Variants in ANK2 observed in about 807,000 individuals in gnomAD.
ANK2 encodes ankyrin 2.
ANK2 carries 83 observed loss-of-function variants against 360.5 expected under a neutral mutation model. The ratio of observed to expected loss-of-function variants is 0.23; its 90% CI spans 0.19 to 0.28. ANK2 has a LOEUF of 0.28. Ranked by LOEUF, ANK2 falls within the 10% of genes least tolerant of loss-of-function variation. The pLI, the probability that ANK2 is intolerant of heterozygous loss-of-function variation, is 1.00. For missense variants in ANK2, 4,201 were observed against 4,795.7 expected, an observed-to-expected ratio of 0.88 and a Z score of 3.66; for synonymous variants, 1,740 against 1,759.5, an observed-to-expected ratio of 0.99 and a Z score of 0.28.
intron 1 of ANK2, among the ~76,000 whole-genome samples, chr4:112,858,196 GT>G (rs556546161): frequency 4.0e-5 from 6 of 150,784 alleles, no homozygotes; most frequent in East Asian, 2.0e-4. Context: ...TAAAGAGGAA[GT>G]TTTTTTTTGA....
intron 45 of ANK2, among the ~76,000 whole-genome samples, chr4:113,375,814 A>T (rs185560111): frequency 6.6e-5 from 10 of 152,328 alleles, no homozygotes; most frequent in African/African-American, 2.4e-4. Flanking sequence ...GCTGAAAACC[A>T]AAACAAATTT....
rs558978184 is a variant in ANK2, at chr4:113,315,847, C to A, written c.2694-1860C>A. ...GGGAGGCGGAGCTTGCACTGAGCCA[C>A]GATCGCGCCACTGCACTCCAGCCTG... On this transcript the variant is annotated intron_variant, in intron 24 of 45. Coordinates refer to ENST00000357077, the MANE Select transcript of ANK2 (RefSeq NM_001148.6). 4.0e-3 allele frequency among the ~76,000 whole-genome samples: 578 copies of A among 144,250 alleles called. 10 individuals carry two copies. The highest frequency in any genetic ancestry group is 0.027 in the Admixed American group (367 of 13,504). The allele number at this position is 144,250 out of a possible 152,430, so 94.6% of individuals were successfully genotyped here.
intron 2 of ANK2, among the ~76,000 whole-genome samples, chr4:112,930,892 G>GAA (rs111287075): frequency 5.2e-5 from 6 of 116,184 alleles, no homozygotes; most frequent in Non-Finnish European, 1.9e-5. Context: ...CATCTCGAGA[G>GAA]AAAAAAAAAA....
rs527481752 is a variant in ANK2, at chr4:112,979,321, G to C, written c.21+74807G>C. Among the ~76,000 whole-genome samples, 9 of 152,354 alleles carry C rather than the reference G, an allele frequency of 5.9e-5. No individual in the cohort carries two copies. In the East Asian group the frequency reaches 1.7e-3, roughly 29 times the overall value. ...CCATGCGAGGCTGTGGCTGGATCAG[G>C]TGTACCGCAAGCAGCTTCCAAGGTG... On this transcript the variant is annotated intron_variant, in intron 2 of 30. Transcript: ENST00000503271.
At chr4:112,918,234 C>G (rs1278397457) in intron 2 of ANK2, among the ~76,000 whole-genome samples, 2 of 152,120 alleles carry the variant, frequency 1.3e-5, no homozygotes, top group Admixed American at 6.5e-5. Flanking sequence ...CAGCCAAGCT[C>G]AGTGGACTAG....
chr4:112,971,527 G>A (rs574681784), intron 2 of ANK2, among the ~76,000 whole-genome samples: 5 of 152,306 alleles, frequency 3.3e-5, no homozygotes, highest in East Asian at 3.9e-4. Flanking sequence ...AGGGCATATT[G>A]TAATTGCTGT....
chr4:112,911,188 C>CTTTTT lies in ANK2; in HGVS notation c.21+6691_21+6695dup, dbSNP rs751581640. 2.4e-4 allele frequency among the ~76,000 whole-genome samples: 18 copies of CTTTTT among 73,988 alleles called. 2 individuals are homozygous for CTTTTT. The highest frequency in any genetic ancestry group is 9.5e-4 in the East Asian group (2 of 2,098). 48.5% of individuals were successfully genotyped at this position (73,988 alleles called of 152,430 possible). ...TTTCACCATGTTGGCCAAGATGGTG[C>CTTTTT]TTTTTTTTTTTTTTTTTTTTTAGAG... On this transcript the variant is annotated intron_variant, in intron 2 of 30. Coordinates refer to the ANK2 transcript ENST00000503271.
the ANK2 span, among the ~76,000 whole-genome samples, chr4:112,796,684 A>C: frequency 7.0e-6 from 1 of 142,162 alleles, no homozygotes; most frequent in African/African-American, 2.6e-5. Flanking sequence ...TTTCTTTTTT[A>C]AAATAAAAAC....
At chr4:113,046,058 G>A (rs1327378501), upstream of ANK2, among the ~76,000 whole-genome samples, 3 of 152,166 alleles carry the variant, frequency 2.0e-5, no homozygotes, top group African/African-American at 7.2e-5. Context: ...ACTGGAAAAT[G>A]TACATTAGGA....
the ANK2 span, among the ~76,000 whole-genome samples, chr4:112,773,724 T>A: frequency 6.6e-6 from 1 of 152,252 alleles, no homozygotes; most frequent in African/African-American, 2.4e-5. Context: ...AGATACAATA[T>A]GTATTTCCAT....
chr4:113,102,229 T>C (rs918056687), intron 1 of ANK2, among the ~76,000 whole-genome samples: 1 of 151,978 alleles, frequency 6.6e-6, no homozygotes, highest in Non-Finnish European at 1.5e-5. Context: ...ACATGGAAGA[T>C]ATATTTTGGT....
the ANK2 span, among the ~76,000 whole-genome samples, chr4:112,736,220 T>A: frequency 6.6e-6 from 1 of 152,076 alleles, no homozygotes; most frequent in South Asian, 2.1e-4. Context: ...CCCAGCAGTT[T>A]GGGAGGCCTA....
At chr4:113,005,034 C>G (rs961021249) in intron 2 of ANK2, among the ~76,000 whole-genome samples, 1 of 152,128 alleles carries the variant, frequency 6.6e-6, no homozygotes, top group Non-Finnish European at 1.5e-5. Context: ...AGAAAGAAGA[C>G]TGATGAATTC....
intron 30 of ANK2, 67 bp downstream of exon 30, chr4:113,336,124 T>C: frequency 6.6e-7 from 1 of 1,515,332 alleles, no homozygotes; most frequent in South Asian, 1.1e-5. Flanking sequence ...ATTAGCTTTG[T>C]CAAGGACTGT....
At chr4:113,191,628 A>T (rs1215195658) in intron 2 of ANK2, among the ~76,000 whole-genome samples, 1 of 152,206 alleles carries the variant, frequency 6.6e-6, no homozygotes, top group African/African-American at 2.4e-5. Context: ...AGGGCTGTGG[A>T]TGGGGAGAGC....
At chr4:112,737,549 G>A in the ANK2 span, among the ~76,000 whole-genome samples, 1 of 152,240 alleles carries the variant, frequency 6.6e-6, no homozygotes, top group Non-Finnish European at 1.5e-5. Context: ...TGCTCCACAT[G>A]GCATCAGCTG....
At chr4:113,375,724 C>G (rs1254760433) in intron 45 of ANK2, among the ~76,000 whole-genome samples, 1 of 102,852 alleles carries the variant, frequency 9.7e-6, no homozygotes, top group East Asian at 2.8e-4. Context: ...GAATTCGTCT[C>G]AAAAAAAAAA....
At chr4:112,945,023 G>A (rs1176226293) in intron 2 of ANK2, among the ~76,000 whole-genome samples, 1 of 152,216 alleles carries the variant, frequency 6.6e-6, no homozygotes, top group Non-Finnish European at 1.5e-5. Flanking sequence ...ACGTTGTGCT[G>A]TAGTAACAAA....
chr4:113,046,275 T>G (rs1167458440), upstream of ANK2, among the ~76,000 whole-genome samples: 1 of 152,186 alleles, frequency 6.6e-6, no homozygotes, highest in East Asian at 1.9e-4. Flanking sequence ...TATACAGAAT[T>G]TAGATGTTTA....
Sources: gnomAD v4.1 joint callset for allele counts (sites outside exome capture counted in the v4.1 genomes callset) on GRCh38, gnomAD v4.1.1 for gene constraint, MANE v1.5 for transcripts, NCBI Gene and HGNC (gene_info 2026-07-23, HGNC 2026-07-21) for gene names.